Variants in RNF17 observed in about 807,000 individuals in gnomAD.
RNF17 encodes ring finger protein 17.
Under a neutral mutation model 200.5 loss-of-function variants are expected in RNF17, and 31 were observed. That is an observed-to-expected ratio of 0.15 (90% CI 0.12 to 0.21). RNF17 has a LOEUF of 0.21. RNF17 is among the 10% of genes least tolerant of loss of function. RNF17 has a pLI of 1.00. For synonymous variants in RNF17, 606 were observed against 637.8 expected, an observed-to-expected ratio of 0.95 and a Z score of 0.75; for missense variants, 1,628 against 1,905.1, an observed-to-expected ratio of 0.85 and a Z score of 2.71.
intron 6 of RNF17, among the ~76,000 whole-genome samples, chr13:24,782,610 G>GC (rs201928427): frequency 4.0e-5 from 6 of 151,626 alleles, no homozygotes; most frequent in South Asian, 2.1e-4. Context: ...TGAGATGGGG[G>GC]GGGGATCTTT....
intron 25 of RNF17, among the ~76,000 whole-genome samples, chr13:24,856,755 A>C (rs17081273): frequency 0.018 from 2,775 of 152,260 alleles, 202 homozygotes; most frequent in Admixed American, 0.13. Context: ...TTTTTTCCTG[A>C]AGATAGCCTA....
intron 28 of RNF17, 72 bp from the exon 29 acceptor site, chr13:24,864,801 A>T: frequency 9.2e-7 from 1 of 1,089,442 alleles, no homozygotes. Flanking sequence ...GCTAAATTTG[A>T]TATTTGCTGA....
intron 31 of RNF17, among the ~76,000 whole-genome samples, chr13:24,869,934 A>ATTTTT (rs34196797): frequency 2.9e-4 from 24 of 83,750 alleles, no homozygotes; most frequent in Non-Finnish European, 3.3e-4. Context: ...TGCCCAGCTA[A>ATTTTT]TTTTTTTTTT....
Position 24,800,545 on chromosome 13 carries a change from CTTTAATTAT to C in RNF17, c.1758+15_1758+23del, listed in dbSNP as rs1885118024. On this transcript the variant is annotated intron_variant, in intron 13 of 35. Transcript: ENST00000255324. ...GTTCCACAGAATTCAGTAAGTGAGA[CTTTAATTAT>C]TTTTTCCTTCAGAGGTTATTACAAT... The C allele has an allele frequency of 6.2e-7, 1 of 1,607,086 alleles. No individual in the cohort carries two copies. The highest frequency in any genetic ancestry group is 1.1e-5 in the South Asian group (1 of 90,012).
intron 13 of RNF17, among the ~76,000 whole-genome samples, chr13:24,802,140 C>T (rs1433378030): frequency 6.6e-6 from 1 of 152,080 alleles, no homozygotes; most frequent in South Asian, 2.1e-4. Context: ...CACCTGCCAC[C>T]ACGCCCCGCT....
chr13:24,833,146 A>G (rs543624355), intron 18 of RNF17, among the ~76,000 whole-genome samples: 1 of 152,266 alleles, frequency 6.6e-6, no homozygotes, highest in Non-Finnish European at 1.5e-5. Context: ...ACATGAGACC[A>G]TGTTTACTTA....
chr13:24,859,050 C>G lies in RNF17; in HGVS notation c.3660C>G (p.Cys1220Trp). Residue 1220 changes from cysteine to tryptophan, a missense_variant, in exon 26 of 36, where the codon TGC (cysteine) becomes TGG (tryptophan). Physicochemically the swap from Cys to Trp is radical, Grantham distance 215 (BLOSUM62 -2). Coordinates refer to ENST00000255324, the MANE Select transcript of RNF17 (RefSeq NM_031277.3). ...ATGAAATTCAAAGTAATTTAAAATG[C>G]CTTGGTCTTTTGGAGCCTTATTTCT... ...MTNEIQSNLK[C>W]LGLLEPYFWK... The G allele has an allele frequency of 6.2e-7, 1 of 1,602,896 alleles. No homozygotes were observed. The highest frequency in any genetic ancestry group is 8.5e-7 in the Non-Finnish European group (1 of 1,171,008).
At chr13:24,809,682 G>A (rs1253285211) in intron 15 of RNF17, among the ~76,000 whole-genome samples, 1 of 152,064 alleles carries the variant, frequency 6.6e-6, no homozygotes, top group African/African-American at 2.4e-5. Flanking sequence ...CCTTCTGCTA[G>A]CTTTCGAATG....
At chr13:24,797,809 G>A (rs551543933) in intron 11 of RNF17, among the ~76,000 whole-genome samples, 92 of 151,516 alleles carry the variant, frequency 6.1e-4, no homozygotes, top group Non-Finnish European at 8.1e-4. Context: ...TGAGCTGCCT[G>A]GATGGGCTTC....
intron 26 of RNF17, among the ~76,000 whole-genome samples, chr13:24,860,490 A>C (rs1025963172): frequency 1.3e-5 from 2 of 152,200 alleles, no homozygotes; most frequent in African/African-American, 4.8e-5. Context: ...TGTCTCGTGA[A>C]ACCATATCCT....
chr13:24,761,746 C>G (rs1048357737), upstream of RNF17, among the ~76,000 whole-genome samples: 1 of 152,190 alleles, frequency 6.6e-6, no homozygotes, highest in Non-Finnish European at 1.5e-5. Context: ...TCTGGCTGCT[C>G]TATTTGAGGG....
At chr13:24,758,376 A>T in the RNF17 span, among the ~76,000 whole-genome samples, 4 of 152,162 alleles carry the variant, frequency 2.6e-5, no homozygotes, top group Non-Finnish European at 4.4e-5. Context: ...TTTTATGATG[A>T]TAGACATCAT....
chr13:24,851,279 C>T (rs1371965306), intron 23 of RNF17, among the ~76,000 whole-genome samples, 177 bp from the exon 24 acceptor site: 1 of 152,250 alleles, frequency 6.6e-6, no homozygotes, highest in African/African-American at 2.4e-5. Flanking sequence ...CAGGCGTGAG[C>T]CACTGCACTC....
chr13:24,868,548 T>TCCAG, intron 30 of RNF17, 52 bp from the exon 31 acceptor site: 1 of 881,608 alleles, frequency 1.1e-6, no homozygotes, highest in Non-Finnish European at 1.9e-6. Context: ...TTTTATAATG[T>TCCAG]AATAGATTTT....
chr13:24,866,244 C>T, intron 30 of RNF17, 41 bp downstream of exon 30: 1 of 1,098,486 alleles, frequency 9.1e-7, no homozygotes. Flanking sequence ...TTGGACACTT[C>T]ATTAATAAAA....
At chr13:24,775,772 T>A (rs1881478918) in intron 3 of RNF17, among the ~76,000 whole-genome samples, 1 of 152,244 alleles carries the variant, frequency 6.6e-6, no homozygotes, top group Non-Finnish European at 1.5e-5. Context: ...GTATCTATGT[T>A]ACTGACTATT....
At chr13:24,780,366 A>G (rs1237515409) in intron 5 of RNF17, among the ~76,000 whole-genome samples, 1 of 152,198 alleles carries the variant, frequency 6.6e-6, no homozygotes, top group African/African-American at 2.4e-5. Context: ...GTGATAAGCA[A>G]TACTTAGTAC....
intron 6 of RNF17, among the ~76,000 whole-genome samples, chr13:24,782,613 G>A (rs949067665): frequency 1.3e-5 from 2 of 150,978 alleles, no homozygotes; most frequent in East Asian, 3.9e-4. Flanking sequence ...GATGGGGGGG[G>A]GATCTTTGAG....
chr13:24,824,272 CTTCCT>C, intron 15 of RNF17: 1 of 697,916 alleles, frequency 1.4e-6, no homozygotes, highest in South Asian at 1.6e-5. Context: ...GAACTTAAAG[CTTCCT>C]AATCTATTTT....
Sources: allele counts gnomAD v4.1 joint callset (sites outside exome capture counted in the v4.1 genomes callset), GRCh38; gene constraint gnomAD v4.1.1; transcripts MANE v1.5; gene names NCBI Gene and HGNC (gene_info 2026-07-23, HGNC 2026-07-21).